Variants in STAT5B observed in about 807,000 individuals in gnomAD.
STAT5B encodes the protein transcription factor STAT5B.
In STAT5B, 21 loss-of-function variants were observed where a neutral mutation model predicts 107.8. That is an observed-to-expected ratio of 0.19 (90% CI 0.14 to 0.28). STAT5B has a LOEUF of 0.28. Ranked by LOEUF, STAT5B falls within the 10% of genes least tolerant of loss-of-function variation. STAT5B has a pLI of 1.00. For synonymous variants in STAT5B, 325 were observed against 401.7 expected, an observed-to-expected ratio of 0.81 and a Z score of 2.28; for missense variants, 565 against 1,008.2, an observed-to-expected ratio of 0.56 and a Z score of 5.95.
At chr17:42,260,214 T>C (rs915870195) in intron 1 of STAT5B, among the ~76,000 whole-genome samples, 1 of 152,204 alleles carries the variant, frequency 6.6e-6, no homozygotes, top group Admixed American at 6.5e-5. Flanking sequence ...TTCAGTACGT[T>C]TGGAACACCT....
intron 1 of STAT5B, among the ~76,000 whole-genome samples, chr17:42,250,651 G>A (rs1323631929): frequency 6.6e-6 from 1 of 152,126 alleles, no homozygotes; most frequent in Non-Finnish European, 1.5e-5. Flanking sequence ...GAGGCCGGGC[G>A]CGGTGGCTCA....
chr17:42,222,108 T>C (rs1366689622), intron 5 of STAT5B, among the ~76,000 whole-genome samples: 2 of 142,526 alleles, frequency 1.4e-5, no homozygotes, highest in East Asian at 4.2e-4. Context: ...ACTGTGTGTC[T>C]CTGTGTGCTG....
chr17:42,212,724 T>C (rs897072576), intron 12 of STAT5B, among the ~76,000 whole-genome samples: 9 of 152,250 alleles, frequency 5.9e-5, no homozygotes, highest in African/African-American at 1.7e-4. Context: ...GGTTAGAAGA[T>C]TAACTTTTAA....
intron 1 of STAT5B, among the ~76,000 whole-genome samples, chr17:42,264,646 T>G (rs1324290238): frequency 6.6e-6 from 1 of 152,006 alleles, no homozygotes; most frequent in Non-Finnish European, 1.5e-5. Flanking sequence ...TTTGCTATTG[T>G]GAATACTGCC....
intron 1 of STAT5B, among the ~76,000 whole-genome samples, chr17:42,232,840 GTTT>G (rs931007817): frequency 2.3e-5 from 3 of 133,318 alleles, no homozygotes; most frequent in Non-Finnish European, 1.6e-5. Flanking sequence ...TTAGCAGAGA[GTTT>G]TTTTTTTTTT....
rs148602226 is a variant in STAT5B at position 42,247,832 on chromosome 17, A to G, written c.-10-15695T>C. The stretch of plus-strand genomic sequence containing the variant: ...GTAGCGTGTGGTGGCGCACACCTGT[A>G]GTCTTAGTTACTTGGGAGGATGAGG... On this transcript the variant is annotated intron_variant, in intron 1 of 18. Transcript: ENST00000293328. Among the ~76,000 whole-genome samples the G allele has an allele frequency of 1.2e-3, 186 of 152,158 alleles. 1 individual carries two copies. The highest frequency in any genetic ancestry group is 3.7e-3 in the Admixed American group (56 of 15,262).
In STAT5B at chr17:42,223,402, T is replaced by A; in HGVS notation, c.530A>T (p.Gln177Leu). ...QTQEYFIIQY[Q>L]ESLRIQAQFG... is the part of the protein sequence containing the mutation. The stretch of plus-strand genomic sequence containing the variant: ...CTCACCTTGGATCCTCAGGCTCTCC[T>A]GGTACTGGATGATGAAGTACTCCTG... Residue 177 changes from glutamine (Q) to leucine (L), a missense_variant, in exon 5 of 19, where the codon CAG becomes CTG. Physicochemically the swap from Gln to Leu is moderately radical, Grantham distance 113. Around this residue, in one of 11 missense-constraint regions of STAT5B, gnomAD observed 56 missense variants for 104.5 expected, o/e 0.54. Coordinates refer to ENST00000293328, the MANE Select transcript of STAT5B (RefSeq NM_012448.4). 5 of 1,614,226 alleles carry A rather than the reference T, an allele frequency of 3.1e-6. No homozygotes were observed. Among genetic ancestry groups the A allele is most frequent in the Non-Finnish European group, 4.2e-6 (5 of 1,180,042 alleles).
intron 8 of STAT5B, 142 bp from the exon 9 acceptor site, chr17:42,218,472 A>G: frequency 7.0e-7 from 1 of 1,424,816 alleles, no homozygotes. Context: ...TTCCTGGGGA[A>G]GCCGTGAGAG....
chr17:42,211,227 G>C (rs1567656283), intron 13 of STAT5B, among the ~76,000 whole-genome samples: 1 of 151,096 alleles, frequency 6.6e-6, no homozygotes, highest in African/African-American at 2.4e-5. Context: ...AATAAATAGG[G>C]TGGGCACAGT....
chr17:42,223,424 CCT>C lies in STAT5B; in HGVS notation c.506_507del (p.Gln169ArgfsTer49). 6.2e-7 allele frequency: 1 copy of C among 1,614,196 alleles called. No individual in the cohort carries two copies. Among genetic ancestry groups the C allele is most frequent in the Non-Finnish European group, 8.5e-7 (1 of 1,180,030 alleles). ...TCCTGGTACTGGATGATGAAGTACT[CCT>C]GAGTCTGCTGCAGCTTTTTTAACTC... ...ENELKKLQQT[Q>X]EYFIIQYQES... On this transcript the variant is annotated frameshift_variant, in exon 5 of 19. Coordinates refer to ENST00000293328, the MANE Select transcript of STAT5B (RefSeq NM_012448.4). LOFTEE classifies it high-confidence loss of function.
intron 1 of STAT5B, among the ~76,000 whole-genome samples, chr17:42,232,448 C>T (rs8082236): frequency 0.13 from 19,347 of 151,832 alleles, 4,105 homozygotes; most frequent in African/African-American, 0.44. Context: ...GGGGTTTCAC[C>T]GTGTTGGCCA....
chr17:42,277,594 G>T (rs1567682474), upstream of STAT5B, among the ~76,000 whole-genome samples: 4 of 152,296 alleles, frequency 2.6e-5, no homozygotes, highest in South Asian at 6.2e-4. Flanking sequence ...CACAGAGTAG[G>T]TTCAGGGAGC....
At chr17:42,211,310 C>T (rs1252647029) in intron 13 of STAT5B, among the ~76,000 whole-genome samples, 1 of 152,038 alleles carries the variant, frequency 6.6e-6, no homozygotes, top group Non-Finnish European at 1.5e-5. Context: ...GAGTTCGAGA[C>T]CAGCCTGACC....
intron 1 of STAT5B, among the ~76,000 whole-genome samples, chr17:42,264,056 ATAATT>A (rs2080644621): frequency 6.6e-6 from 1 of 152,168 alleles, no homozygotes; most frequent in African/African-American, 2.4e-5. Context: ...GTTTTATAAC[ATAATT>A]TAAATAGCTG....
intron 16 of STAT5B, among the ~76,000 whole-genome samples, chr17:42,204,245 G>A (rs2144199900): frequency 6.6e-6 from 1 of 152,242 alleles, no homozygotes; most frequent in Non-Finnish European, 1.5e-5. Flanking sequence ...CACGTGATCT[G>A]GTCAACCACA....
chr17:42,256,383 C>T (rs2080544564), intron 1 of STAT5B, among the ~76,000 whole-genome samples: 1 of 152,040 alleles, frequency 6.6e-6, no homozygotes, highest in South Asian at 2.1e-4. Context: ...ACCCAGCCCC[C>T]TCTCTTTTCT....
At chr17:42,214,091 C>T (rs1052108541) in intron 12 of STAT5B, 28 of 486,668 alleles carry the variant, frequency 5.8e-5, no homozygotes, top group Middle Eastern at 1.0e-3. Flanking sequence ...TGCAGTGAGC[C>T]GAGATAATGC....
chr17:42,250,708 A>AG (rs1365472300), intron 1 of STAT5B, among the ~76,000 whole-genome samples: 12 of 152,090 alleles, frequency 7.9e-5, no homozygotes, highest in African/African-American at 2.9e-4. Flanking sequence ...GCGGATCATG[A>AG]GGTCAGGAGA....
At chr17:42,263,607 G>T (rs2080637371) in intron 1 of STAT5B, among the ~76,000 whole-genome samples, 1 of 152,086 alleles carries the variant, frequency 6.6e-6, no homozygotes, top group Non-Finnish European at 1.5e-5. Flanking sequence ...GCTCATTGCA[G>T]CCTCGAACTC....
Sources: allele counts gnomAD v4.1 joint callset (sites outside exome capture counted in the v4.1 genomes callset), GRCh38; gene constraint gnomAD v4.1.1; regional missense constraint gnomAD v4.1.1; transcripts MANE v1.5; gene names NCBI Gene and HGNC (gene_info 2026-07-23, HGNC 2026-07-21).